DIS3L2: variants seen among roughly 807,000 people sequenced by gnomAD.
The protein encoded by DIS3L2 is DIS3-like exonuclease 2.
A neutral mutation model predicts 97.5 loss-of-function variants in DIS3L2; 34 were observed. The ratio of observed to expected loss-of-function variants is 0.35; its 90% CI spans 0.27 to 0.46. The LOEUF (loss-of-function observed/expected upper bound fraction) is 0.46. Ranked by LOEUF, DIS3L2 falls within the 20% of genes least tolerant of loss-of-function variation. The pLI, the probability that DIS3L2 is intolerant of heterozygous loss-of-function variation, is 1.00. For synonymous variants in DIS3L2, 435 were observed against 445.2 expected (o/e 0.98, Z 0.29); for missense variants, 1,038 against 1,146.0 (o/e 0.91, Z 1.36).
At chr2:231,983,374 G>C (rs556546968) in intron 1 of DIS3L2, among the ~76,000 whole-genome samples, 1 of 152,304 alleles carries the variant, frequency 6.6e-6, no homozygotes, top group Non-Finnish European at 1.5e-5. Flanking sequence ...AGCCTGTGTT[G>C]GTGGCTGGTA....
At chr2:232,076,901 G>A (rs1255169385) in intron 5 of DIS3L2, among the ~76,000 whole-genome samples, 1 of 152,138 alleles carries the variant, frequency 6.6e-6, no homozygotes, top group Non-Finnish European at 1.5e-5. Context: ...GACCCGGCAA[G>A]TGTTCTTGTC....
At chr2:232,333,166 C>T (rs1695804795) in intron 16 of DIS3L2, among the ~76,000 whole-genome samples, 1 of 112,580 alleles carries the variant, frequency 8.9e-6, no homozygotes, top group Non-Finnish European at 1.8e-5. Context: ...CCTTCTCCTC[C>T]TCCGCTGTCG....
rs565112161 is a variant in DIS3L2, at chr2:232,238,063, A to AG, written c.1205-464dup. On this transcript the variant is annotated intron_variant, in intron 10 of 20. Coordinates refer to ENST00000325385, the MANE Select transcript of DIS3L2 (RefSeq NM_152383.5). ...ACAGCAAAGTGTGGAGGGCCAGGTG[A>AG]GGGGGGCACAGAGGCGAGGTAGGGC... 2.8e-3 allele frequency among the ~76,000 whole-genome samples: 429 copies of AG among 152,128 alleles called. 1 individual carries two copies. Among genetic ancestry groups the AG allele is most frequent in the Non-Finnish European group, 4.7e-3 (317 of 67,978 alleles).
chr2:232,012,408 G>T (rs1006732161), intron 1 of DIS3L2, among the ~76,000 whole-genome samples: 1 of 151,820 alleles, frequency 6.6e-6, no homozygotes, highest in African/African-American at 2.4e-5. Context: ...CTGTCCCCTT[G>T]TCTCACTTAC....
intron 5 of DIS3L2, among the ~76,000 whole-genome samples, chr2:232,061,147 C>T (rs1224153726): frequency 6.6e-6 from 1 of 152,138 alleles, no homozygotes; most frequent in Non-Finnish European, 1.5e-5. Context: ...GTTTCTTTCT[C>T]TTGTCTGATT....
intron 14 of DIS3L2, 26 bp from the exon 15 acceptor site, chr2:232,329,787 C>CCAGGGGA: frequency 9.4e-7 from 1 of 1,062,210 alleles, no homozygotes; most frequent in Non-Finnish European, 1.3e-6. Flanking sequence ...CCCAGCGGTC[C>CCAGGGGA]CTCCCATCCC....
At chr2:232,252,173 C>T (rs1456620130) in intron 12 of DIS3L2, among the ~76,000 whole-genome samples, 3 of 152,046 alleles carry the variant, frequency 2.0e-5, no homozygotes, top group Non-Finnish European at 2.9e-5. Flanking sequence ...TTTGGCAGGC[C>T]GAGGCAGGTA....
At chr2:232,334,993 G>A (rs138171175) in intron 19 of DIS3L2, 179 of 483,874 alleles carry the variant, frequency 3.7e-4, no homozygotes, top group East Asian at 1.6e-3. Context: ...CAGCTCGGCA[G>A]GGTGTGCAGG....
At chr2:232,324,267 C>T (rs1484656525) in intron 14 of DIS3L2, among the ~76,000 whole-genome samples, 1 of 152,156 alleles carries the variant, frequency 6.6e-6, no homozygotes, top group Non-Finnish European at 1.5e-5. Context: ...ATTTGGTCTG[C>T]AGAAGAAATG....
At chr2:232,016,755 A>G (rs1694364398) in intron 3 of DIS3L2, among the ~76,000 whole-genome samples, 1 of 152,132 alleles carries the variant, frequency 6.6e-6, no homozygotes, top group Non-Finnish European at 1.5e-5. Flanking sequence ...TCATTAGTAT[A>G]GAAATATTGC....
downstream of DIS3L2, among the ~76,000 whole-genome samples, chr2:232,341,606 G>A (rs1020573938): frequency 6.6e-6 from 1 of 152,218 alleles, no homozygotes; most frequent in Non-Finnish European, 1.5e-5. Context: ...AGATGGGGAC[G>A]CTGTCCACAT....
exon 14 of DIS3L2, chr2:232,343,651 C>T (rs1696163882): frequency 6.9e-7 from 1 of 1,458,624 alleles, no homozygotes; most frequent in Non-Finnish European, 9.3e-7. Context: ...GCTGAAAAGG[C>T]CAGACTTCTA....
chr2:232,117,601 T>G (rs1327689928), intron 6 of DIS3L2, among the ~76,000 whole-genome samples: 2 of 152,186 alleles, frequency 1.3e-5, no homozygotes, highest in African/African-American at 4.8e-5. Flanking sequence ...CTTTAATGAC[T>G]CTCTGGCTCC....
Position 232,088,056 on chromosome 2 carries a change from A to G in DIS3L2, c.601+335A>G, listed in dbSNP as rs531970480. Among the ~76,000 whole-genome samples the G allele has an allele frequency of 3.9e-4, 60 of 152,376 alleles. 1 individual carries two copies. Among genetic ancestry groups the G allele is most frequent in the African/African-American group, 1.3e-3 (53 of 41,602 alleles). On this transcript the variant is annotated intron_variant, in intron 6 of 20. Coordinates refer to ENST00000325385, the MANE Select transcript of DIS3L2 (RefSeq NM_152383.5). ...AATTAAACTGGTATGTAAAATTCAT[A>G]TGAAAAATCACTTTATTTTACTTTC...
At chr2:232,311,774 T>A (rs1282361451) in intron 14 of DIS3L2, among the ~76,000 whole-genome samples, 2 of 152,232 alleles carry the variant, frequency 1.3e-5, no homozygotes, top group Non-Finnish European at 2.9e-5. Context: ...TGAGAATTCA[T>A]CTTTGCTGTT....
intron 14 of DIS3L2, among the ~76,000 whole-genome samples, chr2:232,327,741 G>A (rs1326478813): frequency 2.6e-5 from 4 of 152,192 alleles, no homozygotes; most frequent in African/African-American, 9.6e-5. Flanking sequence ...TTGATGGCAG[G>A]GATGAAAATC....
chr2:232,181,867 GT>G (rs1206419148), intron 9 of DIS3L2, among the ~76,000 whole-genome samples: 1 of 152,088 alleles, frequency 6.6e-6, no homozygotes, highest in African/African-American at 2.4e-5. Context: ...GGCCAGGTTG[GT>G]CTCGAGCGCC....
At position 232,273,813 on chromosome 2, in the gene DIS3L2, G is replaced by A. The variant is rs149943840; in HGVS notation, c.1659+10373G>A. 9.9e-3 allele frequency among the ~76,000 whole-genome samples: 1,290 copies of A among 130,746 alleles called. 23 individuals are homozygous for A. The highest frequency in any genetic ancestry group is 0.054 in the Admixed American group (742 of 13,790). The allele number at this position is 130,746 out of a possible 152,430, so 85.8% of individuals were successfully genotyped here. On this transcript the variant is annotated intron_variant, in intron 13 of 20. Coordinates refer to ENST00000325385, the MANE Select transcript of DIS3L2 (RefSeq NM_152383.5). ...GATGCTGGCCTGCTGGCATGGAAAG[G>A]TAGGGAGGCACCAAACTTCAGAAGG...
At chr2:231,978,754 T>C (rs898282400) in intron 1 of DIS3L2, 1 of 152,238 alleles carries the variant, frequency 6.6e-6, no homozygotes, top group Non-Finnish European at 1.5e-5. Flanking sequence ...GCTCCTCAAA[T>C]AGGTGTGGCC....
Sources: allele counts gnomAD v4.1 joint callset (sites outside exome capture counted in the v4.1 genomes callset), GRCh38; gene constraint gnomAD v4.1.1; transcripts MANE v1.5; gene names NCBI Gene and HGNC (gene_info 2026-07-23, HGNC 2026-07-21).